BICDL1: variants seen among roughly 807,000 people sequenced by gnomAD.
The protein encoded by BICDL1 is BICD family-like cargo adapter 1.
BICDL1 carries 20 observed loss-of-function variants against 76.8 expected under a neutral mutation model. The ratio of observed to expected loss-of-function variants is 0.26; its 90% CI spans 0.18 to 0.38. The LOEUF is 0.38. Ranked by LOEUF, BICDL1 falls within the 10% of genes least tolerant of loss-of-function variation. The pLI is 1.00. For missense variants in BICDL1, 700 were observed against 798.6 expected (o/e 0.88, Z 1.49); for synonymous variants, 383 against 337.1 (o/e 1.14, Z -1.49).
At chr12:120,084,223 C>T (rs1330239433) in intron 8 of BICDL1, among the ~76,000 whole-genome samples, 8 of 151,950 alleles carry the variant, frequency 5.3e-5, no homozygotes, top group African/African-American at 1.2e-4. Context: ...AGGATGGTCT[C>T]GATCTCCTGA....
intron 2 of BICDL1, among the ~76,000 whole-genome samples, chr12:120,050,095 C>T (rs1952824551): frequency 1.3e-5 from 2 of 152,074 alleles, no homozygotes; most frequent in South Asian, 4.1e-4. Flanking sequence ...ATTGGCCATT[C>T]ATTTATTTTT....
intron 2 of BICDL1, among the ~76,000 whole-genome samples, chr12:120,010,092 G>GACC (rs1951923631): frequency 2.0e-5 from 3 of 152,218 alleles, no homozygotes; most frequent in Admixed American, 2.0e-4. Context: ...ACACACGCAA[G>GACC]ACCACCAGTG....
At chr12:119,993,810 T>G (rs1951578925) in intron 1 of BICDL1, among the ~76,000 whole-genome samples, 1 of 152,100 alleles carries the variant, frequency 6.6e-6, no homozygotes, top group South Asian at 2.1e-4. Flanking sequence ...GAGATGGGGT[T>G]TCACCATGGT....
chr12:120,004,548 C>T (rs895882956), intron 2 of BICDL1, among the ~76,000 whole-genome samples: 3 of 152,032 alleles, frequency 2.0e-5, no homozygotes, highest in African/African-American at 7.2e-5. Flanking sequence ...AGGGATTAGG[C>T]CAAGAGATAC....
At chr12:120,002,971 A>G (rs1951785827) in intron 2 of BICDL1, among the ~76,000 whole-genome samples, 1 of 152,160 alleles carries the variant, frequency 6.6e-6, no homozygotes, top group South Asian at 2.1e-4. Context: ...AGCCTGGCCA[A>G]CATGGTGAAA....
chr12:120,072,344 AT>A (rs1873170678), intron 5 of BICDL1, among the ~76,000 whole-genome samples, 166 bp from the exon 6 acceptor site: 1 of 152,054 alleles, frequency 6.6e-6, no homozygotes, highest in Non-Finnish European at 1.5e-5. Context: ...CAGAATAAGT[AT>A]TATTTCTTGG....
chr12:119,999,270 A>C (rs1412757532), intron 2 of BICDL1, among the ~76,000 whole-genome samples: 1 of 152,138 alleles, frequency 6.6e-6, no homozygotes, highest in Non-Finnish European at 1.5e-5. Context: ...CAATCACTTA[A>C]CTTGGGAGTT....
chr12:120,025,918 A>G (rs1027950321), intron 2 of BICDL1, among the ~76,000 whole-genome samples: 2 of 151,852 alleles, frequency 1.3e-5, no homozygotes, highest in Non-Finnish European at 2.9e-5. Flanking sequence ...GCTCACTGCA[A>G]CCTCCACCTC....
intron 2 of BICDL1, among the ~76,000 whole-genome samples, chr12:120,003,302 A>G (rs1022425509): frequency 2.6e-5 from 4 of 152,224 alleles, no homozygotes; most frequent in Admixed American, 1.3e-4. Context: ...TGTAAACTCT[A>G]TGAGAGCAGG....
At position 120,079,779 on chromosome 12, in the gene BICDL1, C is replaced by T. The variant is rs1304449954; in HGVS notation, c.1453-1108C>T. 6.6e-6 allele frequency among the ~76,000 whole-genome samples: 1 copy of T among 152,178 alleles called. No individual in the cohort carries two copies. Among genetic ancestry groups the T allele is most frequent in the Non-Finnish European group, 1.5e-5 (1 of 68,032 alleles). On this transcript the variant is annotated intron_variant, in intron 7 of 9. Transcript: ENST00000548673. The surrounding 1 kb of genome is among the most constrained non-coding windows in gnomAD (Gnocchi z 4.3). ...ACCCGGTTCCAAAACAAGAAAGGGC[C>T]ATGGGAAAAGGGACAACAAACAAAC...
intron 2 of BICDL1, among the ~76,000 whole-genome samples, chr12:120,025,667 A>G (rs979333213): frequency 6.6e-5 from 10 of 152,182 alleles, no homozygotes; most frequent in Non-Finnish European, 1.3e-4. Context: ...AGGTTACCAT[A>G]TATCAATTAT....
intron 2 of BICDL1, among the ~76,000 whole-genome samples, chr12:120,012,379 C>T (rs528386914): frequency 3.3e-5 from 5 of 152,274 alleles, no homozygotes; most frequent in South Asian, 2.1e-4. Context: ...TCAGATTTTC[C>T]GCATTGCCCT....
intron 7 of BICDL1, among the ~76,000 whole-genome samples, chr12:120,074,827 G>T (rs1489711478): frequency 6.6e-6 from 1 of 152,216 alleles, no homozygotes; most frequent in African/African-American, 2.4e-5. Context: ...TTCCTCCAGT[G>T]ACACTCTGCC....
chr12:120,003,812 T>C (rs1951804101), intron 2 of BICDL1, among the ~76,000 whole-genome samples: 1 of 152,254 alleles, frequency 6.6e-6, no homozygotes, highest in Non-Finnish European at 1.5e-5. Flanking sequence ...TCTGTAGTTC[T>C]CTGACTCTAC....
chr12:120,049,900 T>C (rs1652446431), intron 2 of BICDL1, among the ~76,000 whole-genome samples: 2 of 152,226 alleles, frequency 1.3e-5, no homozygotes, highest in African/African-American at 4.8e-5. Context: ...TCCTCCAAAG[T>C]AGGTTATGCC....
intron 1 of BICDL1, among the ~76,000 whole-genome samples, chr12:119,991,235 T>G (rs1041564152): frequency 6.6e-6 from 1 of 152,242 alleles, no homozygotes; most frequent in Non-Finnish European, 1.5e-5. Context: ...CTAGTTTGGT[T>G]GCAGCCAGCT....
chr12:119,990,115 C>G lies in BICDL1; in HGVS notation c.247C>G (p.Leu83Val), dbSNP rs954423253. 4.5e-6 allele frequency: 7 copies of G among 1,549,484 alleles called. No individual in the cohort carries two copies. In the Admixed American group the frequency reaches 7.9e-5, roughly 17 times the overall value. Reference protein sequence around the residue: ...GEHPQAEPGSLAEGAGPQPPP... With the variant: ...GEHPQAEPGSVAEGAGPQPPP... The stretch of plus-strand genomic sequence containing the variant: ...ACACCCTCAGGCCGAGCCTGGGTCT[C>G]TGGCCGAGGGGGCCGGACCGCAGCC... Residue 83 changes from leucine (L) to valine (V), a missense_variant, in exon 1 of 10, where the codon CTG becomes GTG. Around this residue, in one of 3 missense-constraint regions of BICDL1, gnomAD observed 225 missense variants for 199.6 expected, o/e 1.13. Transcript: ENST00000548673.
chr12:120,028,394 G>T (rs1463059643), intron 2 of BICDL1, among the ~76,000 whole-genome samples: 1 of 152,016 alleles, frequency 6.6e-6, no homozygotes, highest in Non-Finnish European at 1.5e-5. Flanking sequence ...ATAGATATTG[G>T]CTGGGCGTGG....
At position 120,058,254 on chromosome 12, in the gene BICDL1, T is replaced by C. The variant is rs114999039; in HGVS notation, c.646-3456T>C. Among the ~76,000 whole-genome samples, 1,230 of 152,358 alleles carry C rather than the reference T, an allele frequency of 8.1e-3. 17 individuals carry two copies. The highest frequency in any genetic ancestry group is 0.027 in the African/African-American group (1,123 of 41,586). The stretch of plus-strand genomic sequence containing the variant: ...ATTTAAAGGGAGCATTATAGCTTAG[T>C]GCTTAACAGCTTAGGCTCTAGAGTT... On this transcript the variant is annotated intron_variant, in intron 2 of 9. Transcript: ENST00000548673.
Sources: allele counts gnomAD v4.1 joint callset (sites outside exome capture counted in the v4.1 genomes callset), GRCh38; gene constraint gnomAD v4.1.1; regional missense constraint gnomAD v4.1.1; non-coding constraint Gnocchi (gnomAD v3.1); transcripts MANE v1.5; gene names NCBI Gene and HGNC (gene_info 2026-07-23, HGNC 2026-07-21).